The following FAM184A variants were observed in gnomAD, a reference collection of about 807,000 sequenced individuals.
The protein encoded by FAM184A is protein FAM184A.
A neutral mutation model predicts 143.8 loss-of-function variants in FAM184A; 99 were observed. The observed-to-expected ratio is 0.69, with a 90% CI of 0.58 to 0.81. The LOEUF (loss-of-function observed/expected upper bound fraction) is 0.81, where lower values mean the gene tolerates loss of function less well. FAM184A is among the 40% of genes least tolerant of loss of function. FAM184A has a pLI of 0.00. For missense variants in FAM184A, 1,217 were observed against 1,310.5 expected, an observed-to-expected ratio of 0.93 and a Z score of 1.10; for synonymous variants, 427 against 446.4, an observed-to-expected ratio of 0.96 and a Z score of 0.55.
At chr6:118,983,431 T>C (rs1348327780) in intron 9 of FAM184A, among the ~76,000 whole-genome samples, 2 of 152,172 alleles carry the variant, frequency 1.3e-5, no homozygotes, top group African/African-American at 4.8e-5. Context: ...AGTATTTTTA[T>C]TACAGAATTA....
At chr6:119,137,250 G>C (rs548739621) in intron 1 of FAM184A, among the ~76,000 whole-genome samples, 1 of 133,212 alleles carries the variant, frequency 7.5e-6, no homozygotes, top group Admixed American at 7.3e-5. Flanking sequence ...GACCTCACAT[G>C]GTCTTTCTTC....
At chr6:119,068,917 A>G (rs1787575383) in intron 1 of FAM184A, 1 of 215,598 alleles carries the variant, frequency 4.6e-6, no homozygotes, top group African/African-American at 2.4e-5. Flanking sequence ...GAAACCAAAT[A>G]GAAAAATTTG....
At chr6:119,128,831 G>A (rs1340577212) in intron 1 of FAM184A, among the ~76,000 whole-genome samples, 1 of 151,852 alleles carries the variant, frequency 6.6e-6, no homozygotes, top group Non-Finnish European at 1.5e-5. Flanking sequence ...TGTCTCCTGT[G>A]GATGGGGGAG....
chr6:119,054,244 G>C (rs1030970745), intron 1 of FAM184A, among the ~76,000 whole-genome samples: 1 of 152,140 alleles, frequency 6.6e-6, no homozygotes, highest in East Asian at 1.9e-4. Context: ...AATGAATCAC[G>C]CTAGCTTAGC....
chr6:118,981,883 A>G (rs1312915523), intron 9 of FAM184A, among the ~76,000 whole-genome samples: 1 of 152,228 alleles, frequency 6.6e-6, no homozygotes, highest in Non-Finnish European at 1.5e-5. Context: ...TTCAAACTTT[A>G]TGAATTCTGC....
intron 1 of FAM184A, among the ~76,000 whole-genome samples, chr6:119,091,001 AG>A (rs1268999479): frequency 6.6e-6 from 1 of 152,214 alleles, no homozygotes; most frequent in Non-Finnish European, 1.5e-5. Flanking sequence ...TATGATAATC[AG>A]GATCAATTAC....
At chr6:118,992,730 C>T (rs1784417112) in intron 9 of FAM184A, among the ~76,000 whole-genome samples, 1 of 152,076 alleles carries the variant, frequency 6.6e-6, no homozygotes, top group African/African-American at 2.4e-5. Flanking sequence ...AGTTCAAGAC[C>T]AGCCTGGGCA....
At position 118,970,008 on chromosome 6, in the gene FAM184A, AT is replaced by A. The variant is rs11272298; in HGVS notation, c.2916-3057del. 0.043 allele frequency among the ~76,000 whole-genome samples: 824 copies of A among 19,062 alleles called. 160 individuals are homozygous for A. The Middle Eastern group carries it at 0.47, about 11-fold the overall frequency. 12.5% of individuals were successfully genotyped at this position (19,062 alleles called of 152,430 possible). A position where few individuals can be genotyped will look rare whatever the true frequency, so the allele number is the denominator to read the frequency against. Reference sequence around the variant, plus strand: ...ATATATATATAATATATATATATATATTTTTTTTTTTTTGAGATGGAGTTTT... The same window carrying A: ...ATATATATATAATATATATATATATATTTTTTTTTTTTGAGATGGAGTTTT... On this transcript the variant is annotated intron_variant, in intron 14 of 17. Coordinates refer to ENST00000338891, the MANE Select transcript of FAM184A (RefSeq NM_024581.6).
chr6:119,039,463 G>A (rs996511002), intron 1 of FAM184A, among the ~76,000 whole-genome samples: 2 of 152,224 alleles, frequency 1.3e-5, no homozygotes, highest in Non-Finnish European at 2.9e-5. Flanking sequence ...GAACGATCAA[G>A]CCATGGGAAA....
chr6:119,121,092 G>A (rs1031031344), intron 1 of FAM184A, among the ~76,000 whole-genome samples: 4 of 150,666 alleles, frequency 2.7e-5, no homozygotes, highest in South Asian at 2.1e-4. Context: ...TTATAGGTGT[G>A]AGCCACCACA....
At chr6:118,991,355 T>C (rs981338845) in intron 9 of FAM184A, among the ~76,000 whole-genome samples, 3 of 151,922 alleles carry the variant, frequency 2.0e-5, no homozygotes, top group Non-Finnish European at 2.9e-5. Context: ...AAGATGGAGT[T>C]TCACCATGTT....
chr6:119,006,343 A>G lies in FAM184A; in HGVS notation c.1815+104T>C, dbSNP rs547778814. 1.9e-3 allele frequency: 2,062 copies of G among 1,076,326 alleles called. 3 individuals are homozygous for G. Among genetic ancestry groups the G allele is most frequent in the Non-Finnish European group, 2.6e-3 (1,932 of 730,000 alleles). The allele number at this position is 1,076,326 out of a possible 1,614,324, so 66.7% of individuals were successfully genotyped here. ...TGTTATGGTAGTTCTAAGAACTAAT[A>G]TACTAATTATATACAATGTGCTGTT... On this transcript the variant is annotated intron_variant, in intron 7 of 17. Transcript: ENST00000338891.
At chr6:119,026,360 A>G (rs1450627467) in intron 1 of FAM184A, among the ~76,000 whole-genome samples, 3 of 152,226 alleles carry the variant, frequency 2.0e-5, no homozygotes, top group Non-Finnish European at 2.9e-5. Context: ...AAGGTAGCTT[A>G]TAAGCCAAGA....
intron 1 of FAM184A, among the ~76,000 whole-genome samples, chr6:119,087,143 G>C (rs1290450907): frequency 6.6e-6 from 1 of 152,170 alleles, no homozygotes; most frequent in Non-Finnish European, 1.5e-5. Context: ...ACCCCAGGCA[G>C]TAGCAGTTAA....
At chr6:119,008,953 C>T (rs1465036403) in intron 6 of FAM184A, among the ~76,000 whole-genome samples, 1 of 152,194 alleles carries the variant, frequency 6.6e-6, no homozygotes, top group African/African-American at 2.4e-5. Flanking sequence ...CTCAGCATGG[C>T]ATCCCTTCTT....
intron 5 of FAM184A, among the ~76,000 whole-genome samples, chr6:119,014,046 A>G (rs919906570): frequency 6.6e-6 from 1 of 152,262 alleles, no homozygotes; most frequent in Non-Finnish European, 1.5e-5. Flanking sequence ...GGGATTTGAC[A>G]GATCTGGAAC....
In FAM184A at chr6:119,016,916, T is replaced by G. The variant is rs1425107876; in HGVS notation, c.1361A>C (p.Gln454Pro). The G allele has an allele frequency of 6.2e-7, 1 of 1,611,826 alleles. No individual in the cohort carries two copies. Among genetic ancestry groups the G allele is most frequent in the East Asian group, 2.2e-5 (1 of 44,866 alleles). Reference sequence around the variant, plus strand: ...TTTAAGTTCCCTTTCATAATATTCTTGCTGAGTTCTCTTTGCTTCATTTAC... The same window carrying G: ...TTTAAGTTCCCTTTCATAATATTCTGGCTGAGTTCTCTTTGCTTCATTTAC... ...KKVNEAKRTQ[Q>P]EYYERELKNL... is the part of the protein sequence containing the mutation. Residue 454 changes from glutamine (Q) to proline (P), a missense_variant, in exon 5 of 18, where the codon CAA becomes CCA. Gln to Pro is a moderately conservative substitution (Grantham distance 76). Transcript: ENST00000338891.
intron 1 of FAM184A, among the ~76,000 whole-genome samples, chr6:119,069,607 T>C (rs1044549092): frequency 2.0e-5 from 3 of 152,196 alleles, no homozygotes; most frequent in Admixed American, 1.3e-4. Flanking sequence ...AACAATTTAT[T>C]CAGAAATTAA....
At position 118,984,007 on chromosome 6, in the gene FAM184A, G is replaced by C. The variant is rs1049753926; in HGVS notation, c.2089-3657C>G. Reference sequence around the variant, plus strand: ...CTACTAAAAATACAAAAAATTAGCCGGGAGTGGTGGCGGGCGCCTGTAATC... The same window carrying C: ...CTACTAAAAATACAAAAAATTAGCCCGGAGTGGTGGCGGGCGCCTGTAATC... On this transcript the variant is annotated intron_variant, in intron 9 of 17. Coordinates refer to ENST00000338891, the MANE Select transcript of FAM184A (RefSeq NM_024581.6). 2.2e-4 allele frequency among the ~76,000 whole-genome samples: 33 copies of C among 150,586 alleles called. No homozygotes were observed. In the South Asian group the frequency reaches 2.9e-3, roughly 13 times the overall value.
Sources: gnomAD v4.1 joint callset for allele counts (sites outside exome capture counted in the v4.1 genomes callset) on GRCh38, gnomAD v4.1.1 for gene constraint, MANE v1.5 for transcripts, NCBI Gene and HGNC (gene_info 2026-07-23, HGNC 2026-07-21) for gene names.